PHACTR4: variants seen among roughly 807,000 people sequenced by gnomAD.
PHACTR4 encodes the protein protein phosphatase 1, regulatory subunit 124.
Under a neutral mutation model 72.7 loss-of-function variants are expected in PHACTR4, and 51 were observed. That is an observed-to-expected ratio of 0.70 (90% CI 0.56 to 0.89). PHACTR4 has a LOEUF of 0.89. Ranked by LOEUF, PHACTR4 falls within the 40% of genes least tolerant of loss-of-function variation. PHACTR4 has a pLI of 0.00. For missense variants in PHACTR4, 731 were observed against 861.8 expected (o/e 0.85, Z 1.90); for synonymous variants, 255 against 302.5 (o/e 0.84, Z 1.63).
intron 2 of PHACTR4, among the ~76,000 whole-genome samples, chr1:28,453,073 C>T (rs1201091252): frequency 2.0e-5 from 3 of 152,084 alleles, no homozygotes; most frequent in African/African-American, 7.2e-5. Flanking sequence ...GAGCCGAGAT[C>T]ACGCCATTGC....
intron 3 of PHACTR4, among the ~76,000 whole-genome samples, 170 bp from the exon 4 acceptor site, chr1:28,460,042 A>G (rs1000984948): frequency 1.3e-4 from 20 of 152,216 alleles, no homozygotes; most frequent in African/African-American, 4.8e-4. Flanking sequence ...AGCACAGGTT[A>G]TAAAAGAAAT....
chr1:28,484,941 G>A (rs1660538360), intron 9 of PHACTR4, among the ~76,000 whole-genome samples: 1 of 152,006 alleles, frequency 6.6e-6, no homozygotes, highest in African/African-American at 2.4e-5. Context: ...ACTCCAGCCT[G>A]GGCAACAAGA....
chr1:28,380,578 A>C (rs1160254798), intron 1 of PHACTR4, among the ~76,000 whole-genome samples: 2 of 152,138 alleles, frequency 1.3e-5, no homozygotes, highest in African/African-American at 4.8e-5. Context: ...ATCATGCAAT[A>C]TTTGGAACAT....
rs746642128 is a variant in PHACTR4, at chr1:28,444,214, C to CTTTT, written c.17-14844_17-14841dup. The stretch of plus-strand genomic sequence containing the variant: ...TGAGCATTTAAAAAAATATATTTGG[C>CTTTT]TTTTTTTTTTTTTTTTTTTTTTTTT... On this transcript the variant is annotated intron_variant, in intron 2 of 13. Coordinates refer to ENST00000373839, the MANE Select transcript of PHACTR4 (RefSeq NM_001048183.3). Among the ~76,000 whole-genome samples, 50 of 41,112 alleles carry CTTTT rather than the reference C, an allele frequency of 1.2e-3. 7 individuals are homozygous for CTTTT. The highest frequency in any genetic ancestry group is 2.1e-3 in the Non-Finnish European group (42 of 20,342). 27.0% of individuals were successfully genotyped at this position (41,112 alleles called of 152,430 possible). A position where few individuals can be genotyped will look rare whatever the true frequency, so the allele number is the denominator to read the frequency against.
intron 2 of PHACTR4, among the ~76,000 whole-genome samples, chr1:28,408,161 C>T (rs1654496151): frequency 1.3e-5 from 2 of 152,184 alleles, no homozygotes; most frequent in South Asian, 2.1e-4. Flanking sequence ...CTTAATCACT[C>T]AGTAACTTAT....
At chr1:28,405,844 T>C (rs1272435396) in intron 1 of PHACTR4, among the ~76,000 whole-genome samples, 2 of 151,402 alleles carry the variant, frequency 1.3e-5, no homozygotes, top group Admixed American at 6.6e-5. Context: ...TGTGCTGAGA[T>C]TGCACCATTG....
intron 1 of PHACTR4, 54 bp downstream of exon 1, chr1:28,369,879 G>A: frequency 4.7e-6 from 2 of 424,088 alleles, no homozygotes; most frequent in Non-Finnish European, 9.3e-6. Context: ...ATCAGGCTGC[G>A]GCCTCCTCTC....
At chr1:28,421,302 C>T (rs1655493051) in intron 2 of PHACTR4, among the ~76,000 whole-genome samples, 1 of 152,044 alleles carries the variant, frequency 6.6e-6, no homozygotes, top group Admixed American at 6.6e-5. Flanking sequence ...ATTGAGGCTT[C>T]CATTGAATGA....
At chr1:28,382,208 C>T (rs1652225685) in intron 1 of PHACTR4, among the ~76,000 whole-genome samples, 1 of 152,208 alleles carries the variant, frequency 6.6e-6, no homozygotes, top group African/African-American at 2.4e-5. Flanking sequence ...TTTGTTCACC[C>T]TGTTGATAGT....
At chr1:28,447,356 A>G (rs961488545) in intron 2 of PHACTR4, among the ~76,000 whole-genome samples, 1 of 150,354 alleles carries the variant, frequency 6.7e-6, no homozygotes, top group Non-Finnish European at 1.5e-5. Context: ...TAATAGACCT[A>G]TTATCACAAC....
intron 9 of PHACTR4, among the ~76,000 whole-genome samples, chr1:28,484,480 GTA>G (rs772286003): frequency 1.3e-5 from 2 of 150,194 alleles, no homozygotes; most frequent in African/African-American, 2.5e-5. Context: ...GTGTGTATGT[GTA>G]TATATATGTG....
At chr1:28,482,825 G>A (rs1018878796) in intron 9 of PHACTR4, among the ~76,000 whole-genome samples, 6 of 151,420 alleles carry the variant, frequency 4.0e-5, no homozygotes, top group African/African-American at 1.5e-4. Context: ...CTCTAGTCCA[G>A]CTATTCTGGA....
In PHACTR4 at chr1:28,499,949, TG is replaced by T. The variant is rs1173546187; in HGVS notation, c.*3401del. The T allele has an allele frequency of 6.6e-6, 1 of 152,188 alleles. No individual in the cohort carries two copies. The highest frequency in any genetic ancestry group is 1.5e-5 in the Non-Finnish European group (1 of 68,028). 9.4% of individuals were successfully genotyped at this position (152,188 alleles called of 1,614,324 possible). ...CTGCCAGATTTTTTGTGGCTTGAGA[TG>T]ATATTTTCGAACCCTTCTTTCACTA... On this transcript the variant is annotated 3_prime_UTR_variant, in exon 14 of 14. Transcript: ENST00000373839.
intron 8 of PHACTR4, among the ~76,000 whole-genome samples, chr1:28,477,178 C>T (rs910913718): frequency 5.3e-5 from 8 of 151,446 alleles, no homozygotes; most frequent in Non-Finnish European, 7.4e-5. Flanking sequence ...CTCCACCTCC[C>T]GGGTTCAAGC....
rs552771624 is a variant in PHACTR4, at chr1:28,386,649, CT to C, written c.-39+16826del. On this transcript the variant is annotated intron_variant, in intron 1 of 13. Coordinates refer to ENST00000373839, the MANE Select transcript of PHACTR4 (RefSeq NM_001048183.3). The stretch of plus-strand genomic sequence containing the variant: ...GGCGGTGTGAGCCACCGTGCCCAGC[CT>C]TGTGTTTTTTTAAATAATGCTATCC... Among the ~76,000 whole-genome samples the C allele has an allele frequency of 6.0e-3, 908 of 152,084 alleles. 4 individuals carry two copies. The highest frequency in any genetic ancestry group is 0.021 in the African/African-American group (866 of 41,492).
chr1:28,439,681 G>T (rs1004278074), intron 2 of PHACTR4, among the ~76,000 whole-genome samples: 2 of 152,166 alleles, frequency 1.3e-5, no homozygotes, highest in African/African-American at 4.8e-5. Context: ...CCTAACAGAT[G>T]AAATTTAGAA....
At chr1:28,397,059 T>G (rs1653571690) in intron 1 of PHACTR4, among the ~76,000 whole-genome samples, 1 of 152,048 alleles carries the variant, frequency 6.6e-6, no homozygotes, top group African/African-American at 2.4e-5. Context: ...AGTCTGCCAA[T>G]GTAAATTTAG....
intron 1 of PHACTR4, among the ~76,000 whole-genome samples, chr1:28,385,397 A>T (rs1652479045): frequency 6.6e-6 from 1 of 151,938 alleles, no homozygotes; most frequent in Non-Finnish European, 1.5e-5. Context: ...TTCAAAAATT[A>T]GCCAGGCATG....
At chr1:28,378,580 C>CCCT (rs1553181675) in intron 1 of PHACTR4, among the ~76,000 whole-genome samples, 1 of 63,542 alleles carries the variant, frequency 1.6e-5, no homozygotes, top group African/African-American at 4.8e-5. Flanking sequence ...CCCCCCCCCC[C>CCCT]TTTTTTTTTA....
Sources: gnomAD v4.1 joint callset for allele counts (sites outside exome capture counted in the v4.1 genomes callset) on GRCh38, gnomAD v4.1.1 for gene constraint, MANE v1.5 for transcripts, NCBI Gene and HGNC (gene_info 2026-07-23, HGNC 2026-07-21) for gene names.